The following FRYL variants were observed in gnomAD, a reference collection of about 807,000 sequenced individuals.
FRYL encodes the protein FRY like transcription coactivator, also known as protein furry homolog-like.
A neutral mutation model predicts 351.2 loss-of-function variants in FRYL; 150 were observed. The observed-to-expected ratio is 0.43, with a 90% CI of 0.37 to 0.49. The LOEUF is 0.49. Among genes scored for constraint, FRYL ranks in the 20% least tolerant of loss-of-function variants. FRYL has a pLI of 0.00. For missense variants in FRYL, 3,036 were observed against 3,619.3 expected, an observed-to-expected ratio of 0.84 and a Z score of 4.13; for synonymous variants, 1,153 against 1,257.1, an observed-to-expected ratio of 0.92 and a Z score of 1.75.
chr4:48,748,346 T>C (rs902104078), intron 1 of FRYL, among the ~76,000 whole-genome samples: 1 of 152,214 alleles, frequency 6.6e-6, no homozygotes, highest in African/African-American at 2.4e-5. Flanking sequence ...GTTATAGCTA[T>C]AGATATAGCT....
intron 2 of FRYL, among the ~76,000 whole-genome samples, chr4:48,693,047 T>C (rs1282313202): frequency 6.6e-6 from 1 of 152,216 alleles, no homozygotes; most frequent in East Asian, 1.9e-4. Context: ...CTGACCTATG[T>C]GGAATGCAGA....
In FRYL at chr4:48,579,215, C is replaced by T. The variant is rs769733331; in HGVS notation, c.2286G>A (p.Ser762=). 7 of 1,612,794 alleles carry T rather than the reference C, an allele frequency of 4.3e-6. No individual in the cohort carries two copies. The highest frequency in any genetic ancestry group is 1.7e-5 in the Admixed American group (1 of 59,866). Residue 762 remains serine, a synonymous_variant, in exon 23 of 64, where the codon TCG becomes TCA. Transcript: ENST00000358350. The stretch of plus-strand genomic sequence containing the variant: ...ATTCTGCTAAAGTTTGTAAATCTAT[C>T]GAGCTAGGGCAATAGAGCAAAGTAG... ...DQTTLLYCPS[S]IDLQTLAEWN... is the part of the protein sequence containing the mutation.
intron 1 of FRYL, among the ~76,000 whole-genome samples, chr4:48,743,951 C>G (rs1772395515): frequency 6.6e-6 from 1 of 151,892 alleles, no homozygotes; most frequent in African/African-American, 2.4e-5. Context: ...CCCTGTCTTC[C>G]CACCACCCCC....
chr4:48,547,497 C>G, intron 41 of FRYL, 87 bp downstream of exon 41: 1 of 672,760 alleles, frequency 1.5e-6, no homozygotes, highest in Non-Finnish European at 2.3e-6. Flanking sequence ...AGTATTTCAA[C>G]TTTTATTCAG....
Position 48,547,759 on chromosome 4 carries a change from G to A in FRYL, c.4899C>T (p.His1633=). The change falls in exon 41 of 64, where the codon CAC becomes CAT. Residue 1633 remains histidine, a synonymous_variant. Coordinates refer to ENST00000358350, the MANE Select transcript of FRYL (RefSeq NM_015030.2). ...LLHAIFIGFD[H]CHPEVYEHCK... Reference sequence around the variant, plus strand: ...AATGTTCATACACCTCAGGGTGGCAGTGGTCAAACCCTAAAAAGGATAGTA... The same window carrying A: ...AATGTTCATACACCTCAGGGTGGCAATGGTCAAACCCTAAAAAGGATAGTA... 6.6e-7 allele frequency: 1 copy of A among 1,511,374 alleles called. No individual in the cohort carries two copies. Among genetic ancestry groups the A allele is most frequent in the Non-Finnish European group, 9.0e-7 (1 of 1,115,816 alleles). The allele number at this position is 1,511,374 out of a possible 1,614,324, so 93.6% of individuals were successfully genotyped here.
intron 4 of FRYL, among the ~76,000 whole-genome samples, chr4:48,627,035 C>T (rs1478615508): frequency 2.0e-5 from 3 of 152,098 alleles, no homozygotes; most frequent in East Asian, 1.9e-4. Flanking sequence ...TCAAACTGCA[C>T]ACCATTCACA....
At position 48,565,013 on chromosome 4, in the gene FRYL, C is replaced by T; in HGVS notation, c.3361G>A (p.Val1121Ile). 6.2e-7 allele frequency: 1 copy of T among 1,607,068 alleles called. No homozygotes were observed. Among genetic ancestry groups the T allele is most frequent in the South Asian group, 1.1e-5 (1 of 90,600 alleles). Residue 1121 changes from valine (V) to isoleucine (I), a missense_variant, in exon 30 of 64, where the codon GTT (valine) becomes ATT (isoleucine). Around this residue, in one of 7 missense-constraint regions of FRYL, gnomAD observed 1,987 missense variants for 2,311.7 expected, o/e 0.86. Transcript: ENST00000358350. Reference protein sequence around the residue: ...AMSAVLCCGPVADNVGLSSDG... With the variant: ...AMSAVLCCGPIADNVGLSSDG... Reference sequence around the variant, plus strand: ...GATGAAAGTCCTACATTATCTGCAACAGGGCCACAACACAGTACAGCAGAC... The same window carrying T: ...GATGAAAGTCCTACATTATCTGCAATAGGGCCACAACACAGTACAGCAGAC...
intron 3 of FRYL, among the ~76,000 whole-genome samples, chr4:48,656,404 T>C (rs1341152408): frequency 7.7e-6 from 1 of 129,034 alleles, no homozygotes; most frequent in African/African-American, 2.8e-5. Context: ...TAATATATAA[T>C]TATATATAAT....
chr4:48,540,654 G>A lies in FRYL; in HGVS notation c.5994C>T (p.Asn1998=), dbSNP rs373260615. The change falls in exon 46 of 64, where the codon AAC becomes AAT. Residue 1998 remains asparagine (N), a synonymous_variant. Coordinates refer to ENST00000358350, the MANE Select transcript of FRYL (RefSeq NM_015030.2). ...CTATCCAAAAAATGGTGGCCATCAA[G>A]TTGGTAGGCTCAGTAGTGGACTGCA... ...YDVQSTTEPT[N]LMATIFWIAA... 1.3e-4 allele frequency: 202 copies of A among 1,614,002 alleles called. No homozygotes were observed. The Middle Eastern group carries it at 3.5e-3, about 28-fold the overall frequency.
Position 48,549,465 on chromosome 4 carries a change from T to TA in FRYL, c.4784+7dup. ...TGCATATGTAAAAGGAATGACGCTGTAGTCCACCTGTGAAGAGGTAATCCA... is the reference window on the plus strand; with the variant it reads ...TGCATATGTAAAAGGAATGACGCTGTAAGTCCACCTGTGAAGAGGTAATCCA... On this transcript the variant is annotated splice_region_variant and intron_variant, in intron 39 of 63. Coordinates refer to ENST00000358350, the MANE Select transcript of FRYL (RefSeq NM_015030.2). The surrounding 1 kb of genome is among the most constrained non-coding windows in gnomAD (Gnocchi z 4.2). The TA allele has an allele frequency of 6.2e-7, 1 of 1,605,492 alleles. No homozygotes were observed.
intron 23 of FRYL, among the ~76,000 whole-genome samples, chr4:48,577,575 T>C (rs534154606): frequency 3.4e-4 from 52 of 151,984 alleles, no homozygotes; most frequent in Admixed American, 9.2e-4. Context: ...GGTGCTAAGT[T>C]TGATGAAGAA....
chr4:48,575,233 G>A lies in FRYL; in HGVS notation c.2730C>T (p.Gly910=), dbSNP rs1377570362. ...SGYSIDSKII[G]IPSPSSLFKH... is the part of the protein sequence containing the mutation. ...TAAACAAGGATGAAGGGGATGGGAT[G>A]CCAATAATCTGGAAAAAAAATATCG... The change falls in exon 25 of 64, where the codon GGC becomes GGT. Residue 910 remains glycine (G), a synonymous_variant. Coordinates refer to ENST00000358350, the MANE Select transcript of FRYL (RefSeq NM_015030.2). The A allele has an allele frequency of 5.6e-6, 9 of 1,612,918 alleles. No individual in the cohort carries two copies. Among genetic ancestry groups the A allele is most frequent in the African/African-American group, 2.7e-5 (2 of 74,864 alleles).
intron 23 of FRYL, 58 bp from the exon 24 acceptor site, chr4:48,576,280 T>A: frequency 7.6e-7 from 1 of 1,316,012 alleles, no homozygotes. Context: ...TTTTTAAAAG[T>A]TTATTTTAAC....
intron 37 of FRYL, 134 bp from the exon 38 acceptor site, chr4:48,550,838 C>T: frequency 1.5e-6 from 1 of 660,716 alleles, no homozygotes; most frequent in South Asian, 1.9e-5. Flanking sequence ...CTTTGGGAGG[C>T]CAAGGCAGGA....
intron 3 of FRYL, among the ~76,000 whole-genome samples, chr4:48,682,510 T>C (rs1764731356): frequency 1.3e-5 from 2 of 152,088 alleles, no homozygotes; most frequent in South Asian, 2.1e-4. Flanking sequence ...ATTTTCACAA[T>C]CTATTCATCT....
At chr4:48,710,947 G>C (rs1346817854) in intron 1 of FRYL, among the ~76,000 whole-genome samples, 1 of 152,134 alleles carries the variant, frequency 6.6e-6, no homozygotes, top group African/African-American at 2.4e-5. Context: ...CAACCTAAAT[G>C]TCATCAATTG....
chr4:48,704,811 T>C (rs148573190), intron 2 of FRYL, among the ~76,000 whole-genome samples: 4,664 of 152,206 alleles, frequency 0.031, 79 homozygotes, highest in Admixed American at 0.048. Context: ...TAGCTGGGCA[T>C]GGTGGCAGGC....
At chr4:48,709,727 C>A (rs1175324201) in intron 2 of FRYL, among the ~76,000 whole-genome samples, 2 of 152,176 alleles carry the variant, frequency 1.3e-5, no homozygotes, top group Non-Finnish European at 2.9e-5. Flanking sequence ...TCTACCAAGG[C>A]TAATTAACTG....
At position 48,504,566 on chromosome 4, in the gene FRYL, T is replaced by C. The variant is rs140487114; in HGVS notation, c.8463+981A>G. ...AATTCCTTATCTTCATTTCTTTACA[T>C]AGATGACTTAGCAGTTTCTTTTTAA... On this transcript the variant is annotated intron_variant, in intron 60 of 63. Coordinates refer to ENST00000358350, the MANE Select transcript of FRYL (RefSeq NM_015030.2). Among the ~76,000 whole-genome samples, 114 of 152,256 alleles carry C rather than the reference T, an allele frequency of 7.5e-4. No homozygotes were observed. The East Asian group carries it at 8.1e-3, about 11-fold the overall frequency.
Sources: allele counts gnomAD v4.1 joint callset (sites outside exome capture counted in the v4.1 genomes callset), GRCh38; gene constraint gnomAD v4.1.1; regional missense constraint gnomAD v4.1.1; non-coding constraint Gnocchi (gnomAD v3.1); transcripts MANE v1.5; gene names NCBI Gene and HGNC (gene_info 2026-07-23, HGNC 2026-07-21).